Variants in DSCAML1 observed in about 807,000 individuals in gnomAD.
DSCAML1 encodes the protein DS cell adhesion molecule like 1.
In DSCAML1, 38 loss-of-function variants were observed where a neutral mutation model predicts 200.5. The observed-to-expected ratio is 0.19, with a 90% confidence interval of 0.15 to 0.25. The LOEUF (loss-of-function observed/expected upper bound fraction) is 0.25. Ranked by LOEUF, DSCAML1 falls within the 10% of genes least tolerant of loss-of-function variation. The pLI, the probability that DSCAML1 is intolerant of heterozygous loss-of-function variation, is 1.00. For missense variants in DSCAML1, 2,223 were observed against 2,858.8 expected, an observed-to-expected ratio of 0.78 and a Z score of 5.07; for synonymous variants, 1,215 against 1,165.0, an observed-to-expected ratio of 1.04 and a Z score of -0.87.
intron 14 of DSCAML1, among the ~76,000 whole-genome samples, chr11:117,474,240 T>C (rs2048743783): frequency 6.6e-6 from 1 of 152,138 alleles, no homozygotes; most frequent in African/African-American, 2.4e-5. Flanking sequence ...CCTGGCTTTT[T>C]GGGTGTATTC....
intron 1 of DSCAML1, among the ~76,000 whole-genome samples, chr11:117,791,001 T>C (rs1423929904): frequency 6.6e-6 from 1 of 152,230 alleles, no homozygotes; most frequent in Non-Finnish European, 1.5e-5. Context: ...GCAAGCATCA[T>C]GTAGAGACAG....
chr11:117,693,936 A>G (rs961419208), intron 3 of DSCAML1, among the ~76,000 whole-genome samples: 2 of 151,990 alleles, frequency 1.3e-5, no homozygotes, highest in Admixed American at 1.3e-4. Context: ...TTATGCAAAC[A>G]TGAGATGCCA....
intron 30 of DSCAML1, 31 bp downstream of exon 30, chr11:117,432,321 A>G (rs1436316831): frequency 1.3e-6 from 2 of 1,594,146 alleles, no homozygotes; most frequent in East Asian, 4.5e-5. Context: ...CCGGTTGGGA[A>G]AAGGGCTGTC....
chr11:117,807,705 G>A (rs11216551), intron 1 of DSCAML1, among the ~76,000 whole-genome samples: 1,582 of 152,296 alleles, frequency 0.01, 13 homozygotes, highest in Non-Finnish European at 0.018. Context: ...ACCTTTGGGC[G>A]GGATGGGGGC....
At chr11:117,736,772 C>G (rs1450370256) in intron 3 of DSCAML1, among the ~76,000 whole-genome samples, 1 of 152,206 alleles carries the variant, frequency 6.6e-6, no homozygotes, top group Non-Finnish European at 1.5e-5. Flanking sequence ...ATTTTATTGA[C>G]AAGCAAATGG....
At chr11:117,732,693 G>C (rs2054243823) in intron 3 of DSCAML1, among the ~76,000 whole-genome samples, 1 of 152,178 alleles carries the variant, frequency 6.6e-6, no homozygotes, top group Non-Finnish European at 1.5e-5. Context: ...AGGGATAGCT[G>C]GGCCTGCTCT....
Position 117,463,212 on chromosome 11 carries a change from G to C in DSCAML1, c.3266-1616C>G, listed in dbSNP as rs535324235. Among the ~76,000 whole-genome samples, 5 of 152,350 alleles carry C rather than the reference G, an allele frequency of 3.3e-5. No homozygotes were observed. In the East Asian group the frequency reaches 9.6e-4, roughly 29 times the overall value. ...AATCAGAGATTTTGATCCAGACTCT[G>C]TTGTTTTCTGGATAGATGGTTCTAG... On this transcript the variant is annotated intron_variant, in intron 17 of 32. Coordinates refer to ENST00000651296, the MANE Select transcript of DSCAML1 (RefSeq NM_020693.4). This position sits in a 1 kb window ranked among gnomAD's most constrained non-coding sequence, Gnocchi z 4.0.
upstream of DSCAML1, chr11:117,800,990 G>T (rs536136677): frequency 6.6e-6 from 1 of 152,112 alleles, no homozygotes; most frequent in South Asian, 2.1e-4. Context: ...TATAAACAGG[G>T]TTTTCATAAA....
chr11:117,453,425 C>CAG (rs1426096697), intron 19 of DSCAML1, among the ~76,000 whole-genome samples: 1 of 152,182 alleles, frequency 6.6e-6, no homozygotes, highest in Non-Finnish European at 1.5e-5. Context: ...TTCTCTAGGG[C>CAG]AGGTATGTTG....
rs148882662 is a variant in DSCAML1 at position 117,521,160 on chromosome 11, C to T, written c.1183G>A (p.Ala395Thr). ...QCFATRKAQT[A>T]QDFAIIALED... ...AGTGCAATGATGGCAAAGTCCTGGG[C>T]GGTCTGGGCCTTGCGGGTAGCGAAG... The change falls in exon 6 of 33, where the codon GCC (alanine) becomes ACC (threonine). Residue 395 changes from alanine (A) to threonine (T), a missense_variant. Physicochemically the swap from Ala to Thr is moderately conservative, Grantham distance 58. Around this residue, in one of 7 missense-constraint regions of DSCAML1, gnomAD observed 579 missense variants for 721.5 expected, o/e 0.80. Coordinates refer to ENST00000651296, the MANE Select transcript of DSCAML1 (RefSeq NM_020693.4). The T allele has an allele frequency of 2.4e-5, 38 of 1,613,952 alleles. No homozygotes were observed. Among genetic ancestry groups the T allele is most frequent in the Admixed American group, 6.7e-5 (4 of 60,008 alleles).
intron 3 of DSCAML1, among the ~76,000 whole-genome samples, chr11:117,700,937 C>A (rs2053656462): frequency 6.6e-6 from 1 of 152,234 alleles, no homozygotes; most frequent in African/African-American, 2.4e-5. Flanking sequence ...CCTAAGACAG[C>A]ACAGACTTTG....
intron 1 of DSCAML1, among the ~76,000 whole-genome samples, chr11:117,784,673 C>G (rs923627739): frequency 1.3e-5 from 2 of 152,138 alleles, no homozygotes; most frequent in African/African-American, 4.8e-5. Context: ...CAGAGGAGCC[C>G]CAGACCCCTG....
Position 117,480,406 on chromosome 11 carries a change from G to A in DSCAML1, c.2785+37C>T. ...AGGACACGTGGCACAAGGGGCCATG[G>A]CAGGCCACGCTGTCACCCTCCTGGC... On this transcript the variant is annotated intron_variant, in intron 14 of 32. Transcript: ENST00000651296. The surrounding 1 kb of genome is among the most constrained non-coding windows in gnomAD (Gnocchi z 4.1). 6.2e-7 allele frequency: 1 copy of A among 1,610,280 alleles called. No individual in the cohort carries two copies. The highest frequency in any genetic ancestry group is 1.1e-5 in the South Asian group (1 of 90,158).
chr11:117,449,476 A>AAAGC (rs147149780), intron 20 of DSCAML1, among the ~76,000 whole-genome samples: 2,724 of 152,216 alleles, frequency 0.018, 36 homozygotes, highest in Middle Eastern at 0.071. Context: ...AGACCACAGG[A>AAAGC]AAGCAGAGAG....
chr11:117,458,187 C>T (rs914946805), intron 19 of DSCAML1, among the ~76,000 whole-genome samples: 1 of 152,154 alleles, frequency 6.6e-6, no homozygotes, highest in African/African-American at 2.4e-5. Flanking sequence ...CTGCCCTTAC[C>T]GTGTCACTCT....
At chr11:117,559,474 T>A (rs2050621804) in intron 3 of DSCAML1, among the ~76,000 whole-genome samples, 1 of 152,244 alleles carries the variant, frequency 6.6e-6, no homozygotes, top group African/African-American at 2.4e-5. Flanking sequence ...CAAACCCATG[T>A]ATGACCTTGC....
At position 117,720,491 on chromosome 11, in the gene DSCAML1, G is replaced by A. The variant is rs528959737; in HGVS notation, c.511+56300C>T. 2.4e-4 allele frequency among the ~76,000 whole-genome samples: 36 copies of A among 152,340 alleles called. No homozygotes were observed. The South Asian group carries it at 7.5e-3, about 32-fold the overall frequency. On this transcript the variant is annotated intron_variant, in intron 3 of 32. Coordinates refer to ENST00000651296, the MANE Select transcript of DSCAML1 (RefSeq NM_020693.4). The stretch of plus-strand genomic sequence containing the variant: ...CCGGCCTTTGGAGCTGGCTCCAAGA[G>A]CTTGTCCCCTCTCCCAGGGCTCCAA...
intron 3 of DSCAML1, among the ~76,000 whole-genome samples, chr11:117,654,958 C>T (rs1181825659): frequency 3.3e-5 from 5 of 152,340 alleles, no homozygotes; most frequent in South Asian, 2.1e-4. Flanking sequence ...AACAGTCTCC[C>T]GAAACAGAAA....
At chr11:117,806,854 C>T (rs2055710768) in intron 1 of DSCAML1, among the ~76,000 whole-genome samples, 2 of 152,238 alleles carry the variant, frequency 1.3e-5, no homozygotes, top group South Asian at 2.1e-4. Flanking sequence ...ATTATGCACT[C>T]ATTTCCCAGA....
Sources: allele counts gnomAD v4.1 joint callset (sites outside exome capture counted in the v4.1 genomes callset), GRCh38; gene constraint gnomAD v4.1.1; regional missense constraint gnomAD v4.1.1; non-coding constraint Gnocchi (gnomAD v3.1); transcripts MANE v1.5; gene names NCBI Gene and HGNC (gene_info 2026-07-23, HGNC 2026-07-21).